SCFD2: variants seen among roughly 807,000 people sequenced by gnomAD.
The protein encoded by SCFD2 is sec1 family domain containing 2.
In SCFD2, 54 loss-of-function variants were observed where a neutral mutation model predicts 58.9. The ratio of observed to expected loss-of-function variants is 0.92; its 90% CI spans 0.74 to 1.15. The LOEUF (loss-of-function observed/expected upper bound fraction) is 1.15. Among genes scored for constraint, SCFD2 ranks in the 50% most tolerant of loss-of-function variants. SCFD2 has a pLI of 0.00. For missense variants in SCFD2, 805 were observed against 836.6 expected (o/e 0.96, Z 0.47); for synonymous variants, 321 against 335.9 (o/e 0.96, Z 0.49).
chr4:53,072,434 C>T (rs1560323292), intron 5 of SCFD2, among the ~76,000 whole-genome samples: 1 of 152,012 alleles, frequency 6.6e-6, no homozygotes, highest in Non-Finnish European at 1.5e-5. Context: ...AGCAGCTGTG[C>T]CAACAGAAAC....
chr4:53,202,754 T>G (rs900129969), intron 4 of SCFD2, among the ~76,000 whole-genome samples: 2 of 152,084 alleles, frequency 1.3e-5, no homozygotes, highest in Non-Finnish European at 2.9e-5. Flanking sequence ...CCCTTGTAAG[T>G]TGGATTCCTA....
intron 5 of SCFD2, among the ~76,000 whole-genome samples, chr4:52,933,316 T>C (rs1394530063): frequency 6.6e-6 from 1 of 152,086 alleles, no homozygotes; most frequent in Non-Finnish European, 1.5e-5. Flanking sequence ...AGTCCAGACT[T>C]AGGCCCCCAT....
chr4:53,094,331 A>C (rs1724556593), intron 5 of SCFD2, among the ~76,000 whole-genome samples: 1 of 152,128 alleles, frequency 6.6e-6, no homozygotes, highest in Admixed American at 6.6e-5. Context: ...CTAGAAGTCC[A>C]AGATCAAGGT....
chr4:53,044,150 G>C (rs1379347619), intron 5 of SCFD2, among the ~76,000 whole-genome samples: 2 of 152,080 alleles, frequency 1.3e-5, no homozygotes, highest in Non-Finnish European at 2.9e-5. Context: ...CTAGGACCTG[G>C]CCATTTCCTC....
intron 5 of SCFD2, among the ~76,000 whole-genome samples, chr4:52,966,549 T>C (rs1720966642): frequency 6.6e-6 from 1 of 152,216 alleles, no homozygotes; most frequent in Non-Finnish European, 1.5e-5. Flanking sequence ...AAGGGAGCTC[T>C]TACTCAACCA....
At chr4:53,042,673 CTCCTTTTCTTCCCCAACCTAT>C (rs2148825402) in intron 5 of SCFD2, among the ~76,000 whole-genome samples, 1 of 151,266 alleles carries the variant, frequency 6.6e-6, no homozygotes. Context: ...TATTAGTTTC[CTCCTTTTCTTCCCCAACCTAT>C]TTTTTTTGTT....
chr4:52,885,975 A>C, intron 7 of SCFD2, 109 bp from the exon 8 acceptor site: 2 of 1,382,166 alleles, frequency 1.4e-6, no homozygotes, highest in Non-Finnish European at 2.0e-6. Context: ...ACTACTACTG[A>C]TAGTGGCAGG....
intron 4 of SCFD2, among the ~76,000 whole-genome samples, chr4:53,261,278 G>A (rs1405657103): frequency 2.0e-5 from 3 of 151,946 alleles, no homozygotes; most frequent in Non-Finnish European, 4.4e-5. Flanking sequence ...GCTGGGTTTG[G>A]GTTTGGTGTG....
At chr4:52,929,239 A>G (rs1719933205) in intron 5 of SCFD2, among the ~76,000 whole-genome samples, 1 of 152,202 alleles carries the variant, frequency 6.6e-6, no homozygotes, top group Non-Finnish European at 1.5e-5. Flanking sequence ...GGAGGTAGGT[A>G]AGCAAAGTGC....
At chr4:53,036,388 G>GTACATGTATA (rs1722760366) in intron 5 of SCFD2, among the ~76,000 whole-genome samples, 1 of 151,280 alleles carries the variant, frequency 6.6e-6, no homozygotes, top group South Asian at 2.1e-4. Context: ...GGACATGAAT[G>GTACATGTATA]TACATGTATA....
intron 5 of SCFD2, among the ~76,000 whole-genome samples, chr4:53,024,972 C>CTT (rs2148815482): frequency 6.6e-6 from 1 of 152,272 alleles, no homozygotes; most frequent in South Asian, 2.1e-4. Flanking sequence ...GCATTTGTCC[C>CTT]ACTGGTTATA....
At chr4:53,281,045 C>A (rs1038957872) in intron 3 of SCFD2, among the ~76,000 whole-genome samples, 2 of 152,192 alleles carry the variant, frequency 1.3e-5, no homozygotes, top group Admixed American at 6.5e-5. Flanking sequence ...CTTGGCTCTG[C>A]GGCCGTGCGC....
intron 2 of SCFD2, among the ~76,000 whole-genome samples, chr4:53,346,556 G>A (rs573061237): frequency 1.3e-5 from 2 of 152,196 alleles, no homozygotes; most frequent in South Asian, 4.2e-4. Flanking sequence ...TTACAGGCAT[G>A]AGCCACCACC....
chr4:53,257,561 A>G (rs1375854227), intron 4 of SCFD2, among the ~76,000 whole-genome samples: 1 of 152,222 alleles, frequency 6.6e-6, no homozygotes, highest in Non-Finnish European at 1.5e-5. Context: ...CTTGATGGAA[A>G]TCAGGAGTGG....
intron 5 of SCFD2, among the ~76,000 whole-genome samples, chr4:53,031,050 G>A (rs1577672136): frequency 6.6e-6 from 1 of 152,186 alleles, no homozygotes; most frequent in African/African-American, 2.4e-5. Flanking sequence ...GCTGGCATCT[G>A]GTAGGTGCCC....
intron 5 of SCFD2, among the ~76,000 whole-genome samples, chr4:53,092,862 AT>A (rs1438094601): frequency 6.6e-6 from 1 of 152,126 alleles, no homozygotes; most frequent in Non-Finnish European, 1.5e-5. Context: ...TATCAAAAAA[AT>A]AAAGCAGACT....
chr4:53,072,713 A>G (rs1190775030), intron 5 of SCFD2, among the ~76,000 whole-genome samples: 1 of 152,002 alleles, frequency 6.6e-6, no homozygotes. Context: ...CGCTTCCTCA[A>G]CCTCATCTGT....
chr4:53,078,691 A>C (rs7698034), intron 5 of SCFD2, among the ~76,000 whole-genome samples: 21,858 of 152,188 alleles, frequency 0.14, 2,224 homozygotes, highest in African/African-American at 0.29. Flanking sequence ...GAGAGGTTAA[A>C]TAACTTGCCC....
At chr4:52,911,530 T>C (rs994777918) in intron 6 of SCFD2, among the ~76,000 whole-genome samples, 1 of 152,180 alleles carries the variant, frequency 6.6e-6, no homozygotes, top group South Asian at 2.1e-4. Context: ...TTTTAAGGTA[T>C]GTAGGTGCAC....
Sources: gnomAD v4.1 joint callset for allele counts (sites outside exome capture counted in the v4.1 genomes callset) on GRCh38, gnomAD v4.1.1 for gene constraint, MANE v1.5 for transcripts, NCBI Gene and HGNC (gene_info 2026-07-23, HGNC 2026-07-21) for gene names.